RANGAP1: variants seen among roughly 807,000 people sequenced by gnomAD.
RANGAP1 encodes ran GTPase-activating protein 1.
In RANGAP1, 38 loss-of-function variants were observed where a neutral mutation model predicts 63.5. That is an observed-to-expected ratio of 0.60 (90% CI 0.46 to 0.78). The LOEUF is 0.78. Among genes scored for constraint, RANGAP1 ranks in the 30% least tolerant of loss-of-function variants. The probability of loss-of-function intolerance (pLI) is 0.00; values close to 1 mark genes in which losing one functional copy is unlikely to be tolerated. For missense variants in RANGAP1, 630 were observed against 740.3 expected (o/e 0.85, Z 1.73); for synonymous variants, 329 against 310.5 (o/e 1.06, Z -0.63).
Position 41,256,344 on chromosome 22 carries a change from G to T in RANGAP1, c.889-54C>A, listed in dbSNP as rs192925460. 1,396 of 1,541,074 alleles carry T rather than the reference G, an allele frequency of 9.1e-4. 2 individuals are homozygous for T. Among genetic ancestry groups the T allele is most frequent in the Non-Finnish European group, 1.2e-3 (1,318 of 1,118,038 alleles). On this transcript the variant is annotated intron_variant, in intron 8 of 15. Coordinates refer to ENST00000356244, the MANE Select transcript of RANGAP1 (RefSeq NM_002883.4). ...GGCAGAAACCCGGGCCAGGACACCAGGTTCTACTCTAAGCCTCAGTTTCCC... is the reference window on the plus strand; with the variant it reads ...GGCAGAAACCCGGGCCAGGACACCATGTTCTACTCTAAGCCTCAGTTTCCC...
chr22:41,252,894 C>A lies in RANGAP1; in HGVS notation c.1358G>T (p.Ser453Ile). The change falls in exon 12 of 16, where the codon AGC (serine) becomes ATC (isoleucine). Residue 453 changes from serine (S) to isoleucine (I), a missense_variant. By Grantham distance (142) the Ser-to-Ile change is moderately radical. This residue lies in a region of RANGAP1 where 428 missense variants were observed against 465.5 expected (regional missense o/e 0.92). Coordinates refer to ENST00000356244, the MANE Select transcript of RANGAP1 (RefSeq NM_002883.4). Reference sequence around the variant, plus strand: ...TACCTGCTGGGCTATCAGCACGGAGCTCTTGGGCCCTAGGCGCAGCAGCTT... The same window carrying A: ...TACCTGCTGGGCTATCAGCACGGAGATCTTGGGCCCTAGGCGCAGCAGCTT... The part of the protein sequence containing the change: ...PEKLLRLGPK[S>I]SVLIAQQTDT... 1 of 1,573,622 alleles carries A rather than the reference C, an allele frequency of 6.4e-7. No homozygotes were observed. The highest frequency in any genetic ancestry group is 8.6e-7 in the Non-Finnish European group (1 of 1,161,664).
chr22:41,302,356 G>T, the RANGAP1 span, among the ~76,000 whole-genome samples: 900 of 152,018 alleles, frequency 5.9e-3, 4 homozygotes, highest in African/African-American at 0.021. This position sits in a 1 kb window ranked among gnomAD's most constrained non-coding sequence, Gnocchi z 5.7. Context: ...GCCTGCAGCC[G>T]GGCCCGCGGG....
intron 12 of RANGAP1, 106 bp downstream of exon 12, chr22:41,252,766 A>C (rs911101416): frequency 5.4e-6 from 7 of 1,296,666 alleles, no homozygotes; most frequent in East Asian, 3.1e-5. Context: ...CCCTGCCCCC[A>C]GCTGACAGCG....
intron 2 of RANGAP1, among the ~76,000 whole-genome samples, chr22:41,276,396 G>T (rs192266708): frequency 6.6e-6 from 1 of 152,164 alleles, no homozygotes; most frequent in African/African-American, 2.4e-5. Flanking sequence ...CCAGCACTTT[G>T]GGAGGCTGAG....
At chr22:41,294,581 A>G in the RANGAP1 span, among the ~76,000 whole-genome samples, 5 of 133,306 alleles carry the variant, frequency 3.8e-5, no homozygotes, top group African/African-American at 8.8e-5. Context: ...GTCTCTGCCC[A>G]GCCGCCATCC....
chr22:41,270,684 C>T (rs912065816), intron 3 of RANGAP1, among the ~76,000 whole-genome samples: 6 of 152,200 alleles, frequency 3.9e-5, no homozygotes, highest in South Asian at 2.1e-4. Flanking sequence ...CCTGGGATCA[C>T]GTGATCTGCT....
rs2034481318 is a variant in RANGAP1, at chr22:41,266,449, G to GC, written c.301-1607dup. Among the ~76,000 whole-genome samples the GC allele has an allele frequency of 2.0e-5, 3 of 152,226 alleles. No homozygotes were observed. The South Asian group carries it at 6.2e-4, about 32-fold the overall frequency. ...TTCTGAAAGCTCAGGGAAATGAAATGCTAAAATTTAGGCAAAACTTGCACA... is the reference window on the plus strand; with the variant it reads ...TTCTGAAAGCTCAGGGAAATGAAATGCCTAAAATTTAGGCAAAACTTGCACA... On this transcript the variant is annotated intron_variant, in intron 4 of 15. Transcript: ENST00000356244.
In RANGAP1 at chr22:41,280,588, G is replaced by A. The variant is rs907593034; in HGVS notation, c.112+345C>T. On this transcript the variant is annotated intron_variant, in intron 2 of 15. Coordinates refer to ENST00000356244, the MANE Select transcript of RANGAP1 (RefSeq NM_002883.4). ...CCCAGGCCTGCCTGGGATCATGGGG[G>A]TTAAGGGCAAGGGTGGGGACAACAC... is the stretch of plus-strand genomic sequence containing the variant. 3 of 1,129,846 alleles carry A rather than the reference G, an allele frequency of 2.7e-6. No individual in the cohort carries two copies. The African/African-American group carries it at 4.8e-5, about 18-fold the overall frequency. 70.0% of individuals were successfully genotyped at this position (1,129,846 alleles called of 1,614,324 possible).
At chr22:41,272,052 TC>T (rs991308895) in intron 3 of RANGAP1, among the ~76,000 whole-genome samples, 2 of 152,270 alleles carry the variant, frequency 1.3e-5, no homozygotes, top group Non-Finnish European at 2.9e-5. Context: ...AAGGGCTCTA[TC>T]TCCTATTTCA....
chr22:41,279,620 C>T (rs2035372637), intron 2 of RANGAP1, among the ~76,000 whole-genome samples: 2 of 150,560 alleles, frequency 1.3e-5, no homozygotes, highest in Non-Finnish European at 3.0e-5. Context: ...CCAGCCTGGG[C>T]AACAGAGCAA....
chr22:41,265,940 C>T (rs1158229378), intron 4 of RANGAP1, among the ~76,000 whole-genome samples: 3 of 151,706 alleles, frequency 2.0e-5, no homozygotes, highest in East Asian at 1.9e-4. Flanking sequence ...CGGTGGCTCA[C>T]GCCTGTAATC....
intron 4 of RANGAP1, among the ~76,000 whole-genome samples, chr22:41,267,339 T>A (rs2034539796): frequency 6.6e-6 from 1 of 150,868 alleles, no homozygotes; most frequent in African/African-American, 2.4e-5. Flanking sequence ...ACCCTGTCTT[T>A]AAAAAAAAAT....
chr22:41,285,384 G>T, intron 1 of RANGAP1: 1 of 569,732 alleles, frequency 1.8e-6, no homozygotes, highest in Non-Finnish European at 2.2e-6. Context: ...AGAAACTGGA[G>T]CACAGAAACG....
rs1489475296 is a variant in RANGAP1, at chr22:41,274,666, G to A, written c.174C>T (p.Gly58=). Residue 58 remains glycine, a synonymous_variant, in exon 3 of 16, where the codon GGC becomes GGT. Transcript: ENST00000356244. ...FDSLEALRLE[G]NTVGVEAARV... ...TGGCTGCTTCCACGCCCACTGTGTT[G>A]CCTTCCAGACGCAGAGCCTCCAAGC... 3 of 1,614,214 alleles carry A rather than the reference G, an allele frequency of 1.9e-6. No individual in the cohort carries two copies. Among genetic ancestry groups the A allele is most frequent in the Admixed American group, 1.7e-5 (1 of 60,024 alleles).
At chr22:41,297,084 T>C in the RANGAP1 span, among the ~76,000 whole-genome samples, 1 of 152,044 alleles carries the variant, frequency 6.6e-6, no homozygotes, top group Non-Finnish European at 1.5e-5. Context: ...GTGGCGCATA[T>C]CTGTAGCCCC....
chr22:41,258,232 G>C, intron 6 of RANGAP1, 126 bp from the exon 7 acceptor site: 5 of 1,100,206 alleles, frequency 4.5e-6, no homozygotes, highest in Non-Finnish European at 6.2e-6. Context: ...GGGCCTGTCT[G>C]TGGGATTTTG....
intron 12 of RANGAP1, among the ~76,000 whole-genome samples, chr22:41,251,372 C>T (rs1164922866): frequency 6.6e-6 from 1 of 152,094 alleles, no homozygotes; most frequent in African/African-American, 2.4e-5. Context: ...ATGCCTGTAA[C>T]CCCAGCACTT....
chr22:41,263,010 C>T lies in RANGAP1; in HGVS notation c.481-1430G>A, dbSNP rs570833683. 7.6e-4 allele frequency among the ~76,000 whole-genome samples: 116 copies of T among 152,310 alleles called. No homozygotes were observed. The Middle Eastern group carries it at 0.014, about 18-fold the overall frequency. On this transcript the variant is annotated intron_variant, in intron 5 of 15. Coordinates refer to ENST00000356244, the MANE Select transcript of RANGAP1 (RefSeq NM_002883.4). ...CCATGGCGTCTGAGCTCCCAAGAGG[C>T]ATAGGTCAGCAAGGCCGAGACCCAG... is the stretch of plus-strand genomic sequence containing the variant.
At position 41,259,544 on chromosome 22, in the gene RANGAP1, C is replaced by T. The variant is rs565960126; in HGVS notation, c.616-1438G>A. On this transcript the variant is annotated intron_variant, in intron 6 of 15. Coordinates refer to ENST00000356244, the MANE Select transcript of RANGAP1 (RefSeq NM_002883.4). ...AACGCATGCTGTAGTGATATACAAA[C>T]TTCTTGTTAATGCACCAAATAACAA... 2.6e-5 allele frequency among the ~76,000 whole-genome samples: 4 copies of T among 152,278 alleles called. No homozygotes were observed. The East Asian group carries it at 5.8e-4, about 22-fold the overall frequency.
Sources: allele counts gnomAD v4.1 joint callset (sites outside exome capture counted in the v4.1 genomes callset), GRCh38; gene constraint gnomAD v4.1.1; regional missense constraint gnomAD v4.1.1; non-coding constraint Gnocchi (gnomAD v3.1); transcripts MANE v1.5; gene names NCBI Gene and HGNC (gene_info 2026-07-23, HGNC 2026-07-21).